The following MARCHF4 variants were observed in gnomAD, a reference collection of about 807,000 sequenced individuals.
MARCHF4 encodes E3 ubiquitin-protein ligase MARCHF4.
In MARCHF4, 14 loss-of-function variants were observed where a neutral mutation model predicts 43.9. The observed-to-expected ratio is 0.32, with a 90% CI of 0.21 to 0.50. The LOEUF (loss-of-function observed/expected upper bound fraction) is 0.50, where lower values mean the gene tolerates loss of function less well. Among genes scored for constraint, MARCHF4 ranks in the 20% least tolerant of loss-of-function variants. The probability of loss-of-function intolerance (pLI) is 0.98; values close to 1 mark genes in which losing one functional copy is unlikely to be tolerated. For synonymous variants in MARCHF4, 226 were observed against 213.3 expected (o/e 1.06, Z -0.52); for missense variants, 468 against 536.7 (o/e 0.87, Z 1.27).
At chr2:216,351,018 C>G (rs1020795564) in intron 1 of MARCHF4, among the ~76,000 whole-genome samples, 2 of 152,168 alleles carry the variant, frequency 1.3e-5, no homozygotes, top group Admixed American at 1.3e-4. Flanking sequence ...ACCCAACCCT[C>G]CAAGTCTGCC....
rs562770962 is a variant in MARCHF4 at position 216,290,767 on chromosome 2, G to A, written c.517-7038C>T. Among the ~76,000 whole-genome samples the A allele has an allele frequency of 2.8e-4, 43 of 152,200 alleles. 2 individuals carry two copies. The South Asian group carries it at 8.7e-3, about 31-fold the overall frequency. On this transcript the variant is annotated intron_variant, in intron 1 of 3. Coordinates refer to ENST00000273067, the MANE Select transcript of MARCHF4 (RefSeq NM_020814.3). The stretch of plus-strand genomic sequence containing the variant: ...TAAGATTTGCTGATGGATTGGATGT[G>A]GTAAGGAGAGAAGTAGAAAAGTCAA...
intron 1 of MARCHF4, among the ~76,000 whole-genome samples, chr2:216,357,967 G>T (rs2105983039): frequency 6.6e-6 from 1 of 152,338 alleles, no homozygotes; most frequent in South Asian, 2.1e-4. Context: ...ATCATACACA[G>T]TCCAAGGCAG....
intron 3 of MARCHF4, among the ~76,000 whole-genome samples, chr2:216,263,931 G>A (rs1169048362): frequency 6.6e-6 from 1 of 152,180 alleles, no homozygotes; most frequent in Non-Finnish European, 1.5e-5. Context: ...GAGGCTGCCA[G>A]GAGCTGGGCC....
chr2:216,358,369 T>C (rs532920585), intron 1 of MARCHF4, among the ~76,000 whole-genome samples: 2 of 152,308 alleles, frequency 1.3e-5, no homozygotes, highest in Non-Finnish European at 2.9e-5. Flanking sequence ...CAGTCTTCAT[T>C]TTCTATTTCC....
intron 1 of MARCHF4, among the ~76,000 whole-genome samples, chr2:216,354,189 C>G (rs747493496): frequency 1.6e-4 from 25 of 152,308 alleles, no homozygotes; most frequent in African/African-American, 4.1e-4. Context: ...CACCCTACCC[C>G]GCATTCTGGG....
intron 1 of MARCHF4, among the ~76,000 whole-genome samples, chr2:216,369,207 A>G (rs973938442): frequency 1.3e-5 from 2 of 152,238 alleles, no homozygotes; most frequent in African/African-American, 4.8e-5. Context: ...CAGTTGCTAG[A>G]ACATAATGCT....
chr2:216,304,894 CA>C (rs1281644569), intron 1 of MARCHF4, among the ~76,000 whole-genome samples: 1 of 151,998 alleles, frequency 6.6e-6, no homozygotes, highest in East Asian at 1.9e-4. Context: ...GTGGAGGTTG[CA>C]GTGAGCCGAG....
intron 1 of MARCHF4, among the ~76,000 whole-genome samples, chr2:216,291,347 G>A (rs1343223330): frequency 6.6e-6 from 1 of 152,168 alleles, no homozygotes; most frequent in Admixed American, 6.5e-5. Context: ...TATTTTCTTA[G>A]TGCAATATGA....
At chr2:216,362,732 A>T (rs1170347592) in intron 1 of MARCHF4, among the ~76,000 whole-genome samples, 1 of 151,970 alleles carries the variant, frequency 6.6e-6, no homozygotes, top group Non-Finnish European at 1.5e-5. Context: ...ATTGTAACTT[A>T]CTCAATTGTG....
chr2:216,343,573 A>G (rs1240826439), intron 1 of MARCHF4, among the ~76,000 whole-genome samples: 1 of 152,174 alleles, frequency 6.6e-6, no homozygotes, highest in Non-Finnish European at 1.5e-5. Context: ...AGCGTCAGAC[A>G]CATTGTGAGG....
At position 216,350,574 on chromosome 2, in the gene MARCHF4, G is replaced by T. The variant is rs1271246939; in HGVS notation, c.516+19171C>A. Among the ~76,000 whole-genome samples, 3 of 152,040 alleles carry T rather than the reference G, an allele frequency of 2.0e-5. No individual in the cohort carries two copies. In the East Asian group the frequency reaches 5.8e-4, roughly 29 times the overall value. ...ACACTGTGCCACACCACCTCACTGTGACACCAGACCACCTTGTTTGACAGG... is the reference window on the plus strand; with the variant it reads ...ACACTGTGCCACACCACCTCACTGTTACACCAGACCACCTTGTTTGACAGG... On this transcript the variant is annotated intron_variant, in intron 1 of 3. Transcript: ENST00000273067.
chr2:216,359,709 C>T (rs1176358309), intron 1 of MARCHF4, among the ~76,000 whole-genome samples: 2 of 152,184 alleles, frequency 1.3e-5, no homozygotes, highest in Non-Finnish European at 1.5e-5. Context: ...TTGCTTCCTC[C>T]ACTGTGTGCC....
At position 216,302,367 on chromosome 2, in the gene MARCHF4, T is replaced by C. The variant is rs376228952; in HGVS notation, c.517-18638A>G. ...CCAAGTAGCTGGGACTACAGGCGCC[T>C]GCCACCACGCCCATCTAATTTTTTT... On this transcript the variant is annotated intron_variant, in intron 1 of 3. Transcript: ENST00000273067. Among the ~76,000 whole-genome samples, 38 of 148,468 alleles carry C rather than the reference T, an allele frequency of 2.6e-4. No homozygotes were observed. The East Asian group carries it at 3.6e-3, about 14-fold the overall frequency.
intron 3 of MARCHF4, among the ~76,000 whole-genome samples, chr2:216,272,463 AC>A (rs1253323046): frequency 1.3e-5 from 2 of 152,134 alleles, no homozygotes; most frequent in African/African-American, 4.8e-5. Context: ...TTTCCCCCCA[AC>A]CTGCCTCCCC....
chr2:216,355,755 G>A (rs1004577181), intron 1 of MARCHF4, among the ~76,000 whole-genome samples: 36 of 152,184 alleles, frequency 2.4e-4, no homozygotes, highest in African/African-American at 8.4e-4. Context: ...AGACCCTCTG[G>A]GTTCTCCCTG....
chr2:216,302,897 CAAAAAAAAAAA>C (rs201503998), intron 1 of MARCHF4, among the ~76,000 whole-genome samples: 2 of 78,360 alleles, frequency 2.6e-5, no homozygotes, highest in East Asian at 4.0e-4. Flanking sequence ...GACTCTGTAT[CAAAAAAAAAAA>C]AAAAAAAAAA....
chr2:216,328,320 C>A (rs997107330), intron 1 of MARCHF4, among the ~76,000 whole-genome samples: 1 of 152,184 alleles, frequency 6.6e-6, no homozygotes, highest in African/African-American at 2.4e-5. Context: ...CAAGTGTGCA[C>A]CACCATGCCC....
At chr2:216,339,553 C>T (rs1397309970) in intron 1 of MARCHF4, among the ~76,000 whole-genome samples, 1 of 152,234 alleles carries the variant, frequency 6.6e-6, no homozygotes, top group African/African-American at 2.4e-5. Context: ...CCTTCCCCTC[C>T]TCTTGTAAAA....
At chr2:216,281,574 A>G (rs1490447497) in intron 2 of MARCHF4, among the ~76,000 whole-genome samples, 1 of 152,224 alleles carries the variant, frequency 6.6e-6, no homozygotes, top group Non-Finnish European at 1.5e-5. Context: ...CACTGTACTG[A>G]GCAGGCAGCT....
Sources: gnomAD v4.1 joint callset for allele counts (sites outside exome capture counted in the v4.1 genomes callset) on GRCh38, gnomAD v4.1.1 for gene constraint, MANE v1.5 for transcripts, NCBI Gene and HGNC (gene_info 2026-07-23, HGNC 2026-07-21) for gene names.